Variants in CARMIL1 observed in about 807,000 individuals in gnomAD.
The protein encoded by CARMIL1 is capping protein regulator and myosin 1 linker 1.
CARMIL1 carries 90 observed loss-of-function variants against 177.1 expected under a neutral mutation model. That is an observed-to-expected ratio of 0.51 (90% CI 0.43 to 0.61). The LOEUF is 0.61. Among genes scored for constraint, CARMIL1 ranks in the 20% least tolerant of loss-of-function variants. The pLI is 0.00. For missense variants in CARMIL1, 1,380 were observed against 1,667.0 expected (o/e 0.83, Z 3.00); for synonymous variants, 577 against 606.2 (o/e 0.95, Z 0.71).
chr6:25,514,809 A>G (rs1805808745), intron 20 of CARMIL1, among the ~76,000 whole-genome samples: 1 of 152,114 alleles, frequency 6.6e-6, no homozygotes, highest in Non-Finnish European at 1.5e-5. Flanking sequence ...CTGTAGTTCC[A>G]GCTACTCAGG....
chr6:25,360,322 C>T (rs1789065392), intron 2 of CARMIL1, among the ~76,000 whole-genome samples: 1 of 152,120 alleles, frequency 6.6e-6, no homozygotes, highest in African/African-American at 2.4e-5. Context: ...CTGACTTTGT[C>T]TTTGAAATAC....
chr6:25,490,746 TAAATAAAA>T (rs201310889), intron 13 of CARMIL1, among the ~76,000 whole-genome samples: 29,047 of 86,634 alleles, frequency 0.34, 3,321 homozygotes, highest in East Asian at 0.54. Context: ...AATAAATAAA[TAAATAAAA>T]AAAAATAAAT....
chr6:25,400,572 G>T (rs1793804794), intron 2 of CARMIL1, among the ~76,000 whole-genome samples: 4 of 152,292 alleles, frequency 2.6e-5, no homozygotes, highest in Admixed American at 2.0e-4. Context: ...CCAAAAAAAT[G>T]TTCAGAATTA....
chr6:25,299,741 C>T (rs1249280900), intron 2 of CARMIL1, among the ~76,000 whole-genome samples: 6 of 151,608 alleles, frequency 4.0e-5, no homozygotes, highest in African/African-American at 1.2e-4. Context: ...TTTGGGAGGC[C>T]GAGGCGAGCG....
intron 5 of CARMIL1, among the ~76,000 whole-genome samples, chr6:25,442,564 A>G (rs572142281): frequency 1.8e-4 from 27 of 152,060 alleles, no homozygotes; most frequent in Admixed American, 3.3e-4. Flanking sequence ...GCGGAAAACA[A>G]CTTCTGTAGA....
chr6:25,334,757 A>G (rs527346263), intron 2 of CARMIL1, among the ~76,000 whole-genome samples: 2 of 152,216 alleles, frequency 1.3e-5, no homozygotes, highest in African/African-American at 2.4e-5. Flanking sequence ...GTGGCAGTCT[A>G]CTAAGCACAG....
In CARMIL1 at chr6:25,472,545, T is replaced by C. The variant is rs769286751; in HGVS notation, c.874+24T>C. 5 of 1,507,304 alleles carry C rather than the reference T, an allele frequency of 3.3e-6. No individual in the cohort carries two copies. In the East Asian group the frequency reaches 1.2e-4, roughly 36 times the overall value. 93.4% of individuals were successfully genotyped at this position (1,507,304 alleles called of 1,614,324 possible). On this transcript the variant is annotated intron_variant, in intron 11 of 36. Coordinates refer to ENST00000329474, the MANE Select transcript of CARMIL1 (RefSeq NM_017640.6). ...AGGTACTGCAGAGTTCTCATTATCA[T>C]TGATGCCAGAATTGTAAGAGGATTA...
intron 1 of CARMIL1, among the ~76,000 whole-genome samples, chr6:25,282,934 A>T (rs903846645): frequency 5.9e-5 from 9 of 152,224 alleles, no homozygotes; most frequent in Non-Finnish European, 1.3e-4. Context: ...TACCTGACAT[A>T]CAAGAGGTAC....
chr6:25,289,692 A>T (rs1260344136), intron 2 of CARMIL1, among the ~76,000 whole-genome samples: 1 of 152,238 alleles, frequency 6.6e-6, no homozygotes, highest in African/African-American at 2.4e-5. Context: ...AAATGTACTC[A>T]TACAGTATCC....
intron 1 of CARMIL1, among the ~76,000 whole-genome samples, chr6:25,282,596 T>C (rs1450584301): frequency 6.6e-5 from 10 of 152,188 alleles, no homozygotes; most frequent in Non-Finnish European, 1.2e-4. Flanking sequence ...ATTAAACATA[T>C]ATTTGTTAAA....
At chr6:25,369,384 T>G (rs1010447715) in intron 2 of CARMIL1, among the ~76,000 whole-genome samples, 6 of 80,002 alleles carry the variant, frequency 7.5e-5, no homozygotes, top group Admixed American at 3.5e-4. Context: ...ATTTTGTTTT[T>G]TTTTTTTTTT....
intron 2 of CARMIL1, among the ~76,000 whole-genome samples, chr6:25,412,590 A>G (rs897946598): frequency 5.9e-5 from 9 of 152,170 alleles, no homozygotes; most frequent in Non-Finnish European, 1.2e-4. Context: ...AGAGAAAAGG[A>G]GGAAATTGAG....
intron 2 of CARMIL1, among the ~76,000 whole-genome samples, chr6:25,343,316 CTTTTTT>C (rs5875030): frequency 1.5e-5 from 2 of 135,442 alleles, no homozygotes; most frequent in Admixed American, 1.5e-4. Flanking sequence ...AGTATTTTTG[CTTTTTT>C]TTTTTTTTTT....
intron 2 of CARMIL1, among the ~76,000 whole-genome samples, chr6:25,346,978 A>T (rs991647476): frequency 1.3e-5 from 2 of 152,204 alleles, no homozygotes; most frequent in Non-Finnish European, 2.9e-5. Flanking sequence ...GAAATATGTC[A>T]GCTTATTTAT....
At position 25,570,850 on chromosome 6, in the gene CARMIL1, G is replaced by T. The variant is rs191102558; in HGVS notation, c.2743-10074G>T. On this transcript the variant is annotated intron_variant, in intron 29 of 36. Coordinates refer to ENST00000329474, the MANE Select transcript of CARMIL1 (RefSeq NM_017640.6). Reference sequence around the variant, plus strand: ...CATATCATTCCTCCTTTTGTCCATTGATTTATTGCAGCTTTCTCAGAGTTA... The same window carrying T: ...CATATCATTCCTCCTTTTGTCCATTTATTTATTGCAGCTTTCTCAGAGTTA... 2.5e-3 allele frequency among the ~76,000 whole-genome samples: 374 copies of T among 152,226 alleles called. 1 individual carries two copies. Among genetic ancestry groups the T allele is most frequent in the Non-Finnish European group, 4.3e-3 (292 of 68,000 alleles).
chr6:25,586,328 G>T (rs1204011156), intron 31 of CARMIL1, among the ~76,000 whole-genome samples: 1 of 148,014 alleles, frequency 6.8e-6, no homozygotes, highest in African/African-American at 2.5e-5. Context: ...GGTCGCGGCC[G>T]GGCAGAGGCG....
intron 17 of CARMIL1, among the ~76,000 whole-genome samples, chr6:25,501,884 G>A (rs1804386453): frequency 6.6e-6 from 1 of 150,718 alleles, no homozygotes. Context: ...AATTGTTAGT[G>A]TAGTATTTTT....
chr6:25,483,306 G>C (rs1324130908), intron 12 of CARMIL1, among the ~76,000 whole-genome samples: 3 of 152,174 alleles, frequency 2.0e-5, no homozygotes, highest in African/African-American at 7.2e-5. Flanking sequence ...GAAAGTGTCA[G>C]TTCTGTAGTC....
At chr6:25,287,904 G>C (rs1335727361) in intron 2 of CARMIL1, among the ~76,000 whole-genome samples, 4 of 152,156 alleles carry the variant, frequency 2.6e-5, no homozygotes, top group African/African-American at 9.7e-5. Flanking sequence ...TTATACACTA[G>C]TTTTATATTT....
Sources: gnomAD v4.1 joint callset for allele counts (sites outside exome capture counted in the v4.1 genomes callset) on GRCh38, gnomAD v4.1.1 for gene constraint, MANE v1.5 for transcripts, NCBI Gene and HGNC (gene_info 2026-07-23, HGNC 2026-07-21) for gene names.